The following CTTN variants were observed in gnomAD, a reference collection of about 807,000 sequenced individuals.
The protein encoded by CTTN is src substrate cortactin.
A neutral mutation model predicts 84.0 loss-of-function variants in CTTN; 28 were observed. That is an observed-to-expected ratio of 0.33 (90% CI 0.25 to 0.46). The LOEUF is 0.46. Among genes scored for constraint, CTTN ranks in the 20% least tolerant of loss-of-function variants. CTTN has a pLI of 1.00. For missense variants in CTTN, 641 were observed against 723.8 expected (o/e 0.89, Z 1.31); for synonymous variants, 301 against 288.8 (o/e 1.04, Z -0.43).
intron 4 of CTTN, among the ~76,000 whole-genome samples, chr11:70,408,543 G>A (rs187620145): frequency 1.4e-3 from 214 of 152,190 alleles, no homozygotes; most frequent in African/African-American, 5.0e-3. Flanking sequence ...AACCATGGGC[G>A]CACACCACAA....
chr11:70,420,326 T>C, intron 9 of CTTN, 74 bp from the exon 10 acceptor site: 1 of 963,576 alleles, frequency 1.0e-6, no homozygotes, highest in South Asian at 1.3e-5. Flanking sequence ...TTTAACTGTA[T>C]TGAAAACATA....
chr11:70,433,322 C>G (rs2058377176), intron 16 of CTTN, 44 bp downstream of exon 16: 1 of 1,540,438 alleles, frequency 6.5e-7, no homozygotes. Flanking sequence ...GGGCAGGGAG[C>G]TCCCGGGACA....
chr11:70,422,502 TAAA>T, intron 11 of CTTN: 1 of 1,289,992 alleles, frequency 7.8e-7, no homozygotes, highest in Middle Eastern at 2.1e-4. Flanking sequence ...TTTTTTCTCT[TAAA>T]AAGCAAGAGA....
At position 70,435,520 on chromosome 11, in the gene CTTN, C is replaced by T; in HGVS notation, c.*358C>T. The T allele has an allele frequency of 6.4e-7, 1 of 1,561,138 alleles. No homozygotes were observed. Among genetic ancestry groups the T allele is most frequent in the Non-Finnish European group, 8.6e-7 (1 of 1,160,780 alleles). On this transcript the variant is annotated 3_prime_UTR_variant, in exon 18 of 18. Coordinates refer to ENST00000301843, the MANE Select transcript of CTTN (RefSeq NM_005231.4). ...GTGTTGCCCTCGTGCCCATCAAGTG[C>T]AGTCGGGACCTCCCAGGACAAGCAC...
rs116749216 is a variant in CTTN, at chr11:70,433,832, T to C, written c.1516+114T>C. On this transcript the variant is annotated intron_variant, in intron 17 of 17. Transcript: ENST00000301843. ...TGTTAGTTTTAGAAGTAATTTATGT[T>C]GAGATAATTTCAGAGATATAGAAAA... is the stretch of plus-strand genomic sequence containing the variant. 2.9e-3 allele frequency: 2,197 copies of C among 765,620 alleles called. 40 individuals are homozygous for C. In the African/African-American group the frequency reaches 0.033, roughly 12 times the overall value. The allele number at this position is 765,620 out of a possible 1,614,324, so 47.4% of individuals were successfully genotyped here.
rs564937407 is a variant in CTTN at position 70,432,689 on chromosome 11, A to C, written c.1267-412A>C. 1.1e-4 allele frequency among the ~76,000 whole-genome samples: 16 copies of C among 152,370 alleles called. No individual in the cohort carries two copies. In the South Asian group the frequency reaches 3.3e-3, roughly 32 times the overall value. ...CTGTCAGGCAGGGCCAGGGTCGAGC[A>C]GCACAGGCAGGAGGGTGGCCGCTCG... On this transcript the variant is annotated intron_variant, in intron 15 of 17. Transcript: ENST00000301843.
In CTTN at chr11:70,436,272, C is replaced by T. The variant is rs578147334; in HGVS notation, c.*1110C>T. The T allele has an allele frequency of 6.3e-7, 1 of 1,597,528 alleles. No homozygotes were observed. Among genetic ancestry groups the T allele is most frequent in the Non-Finnish European group, 8.5e-7 (1 of 1,179,490 alleles). ...CGCTGTCCTGGCATTTGTGGCCACT[C>T]ACTTTGTAGGAAACTCATCTCCTTC... On this transcript the variant is annotated 3_prime_UTR_variant, in exon 18 of 18. Coordinates refer to ENST00000301843, the MANE Select transcript of CTTN (RefSeq NM_005231.4).
chr11:70,419,799 A>G lies in CTTN; in HGVS notation c.622A>G (p.Lys208Glu). Residue 208 changes from lysine to glutamate, a missense_variant, in exon 9 of 18, where the codon AAG becomes GAG. By Grantham distance (56) the Lys-to-Glu change is moderately conservative. Around this residue, in one of 3 missense-constraint regions of CTTN, gnomAD observed 284 missense variants for 348.4 expected, o/e 0.82. Transcript: ENST00000301843. The stretch of plus-strand genomic sequence containing the variant: ...CGGTATCGACAAGGACAAAGTGGAT[A>G]AGAGCGCCGTTGGCTTTGAGTATCA... ...KYGIDKDKVDKSAVGFEYQGK... is the reference protein window; with the variant it reads ...KYGIDKDKVDESAVGFEYQGK... 6.2e-7 allele frequency: 1 copy of G among 1,613,156 alleles called. No individual in the cohort carries two copies. Among genetic ancestry groups the G allele is most frequent in the East Asian group, 2.2e-5 (1 of 44,882 alleles).
At chr11:70,422,544 G>T in intron 11 of CTTN, 1 of 1,295,312 alleles carries the variant, frequency 7.7e-7, no homozygotes, top group Admixed American at 2.3e-5. Context: ...TCTTTTTAGC[G>T]CTCAGTAGAG....
intron 14 of CTTN, among the ~76,000 whole-genome samples, chr11:70,429,635 C>T (rs534180389): frequency 2.0e-5 from 3 of 152,160 alleles, no homozygotes; most frequent in East Asian, 1.9e-4. Context: ...AGCCTGCTCT[C>T]GGGGCCTGCT....
chr11:70,421,608 C>A, intron 11 of CTTN, 28 bp downstream of exon 11: 1 of 1,510,614 alleles, frequency 6.6e-7, no homozygotes, highest in Non-Finnish European at 9.2e-7. Flanking sequence ...CTCCTACCCT[C>A]CCCCCGACCC....
At chr11:70,425,899 G>C (rs961355127) in intron 13 of CTTN, among the ~76,000 whole-genome samples, 2 of 152,212 alleles carry the variant, frequency 1.3e-5, no homozygotes, top group Non-Finnish European at 2.9e-5. Flanking sequence ...TGTGGGCCCT[G>C]CCCCGGAGAG....
At chr11:70,415,024 C>T (rs1232524276) in intron 6 of CTTN, among the ~76,000 whole-genome samples, 1 of 152,180 alleles carries the variant, frequency 6.6e-6, no homozygotes, top group African/African-American at 2.4e-5. Context: ...GTGTCCAGGA[C>T]CCAGGCTTTG....
intron 13 of CTTN, among the ~76,000 whole-genome samples, chr11:70,428,271 T>G (rs2058320673): frequency 6.7e-6 from 1 of 150,002 alleles, no homozygotes; most frequent in Non-Finnish European, 1.5e-5. Flanking sequence ...GTTCAAGCGA[T>G]TCTCCTGCCT....
chr11:70,426,034 C>G (rs1230083912), intron 13 of CTTN, among the ~76,000 whole-genome samples: 2 of 152,222 alleles, frequency 1.3e-5, no homozygotes, highest in East Asian at 3.9e-4. Context: ...GATTGAGGGC[C>G]CAGGACGCTT....
At position 70,435,179 on chromosome 11, in the gene CTTN, C is replaced by A; in HGVS notation, c.*17C>A. On this transcript the variant is annotated 3_prime_UTR_variant, in exon 18 of 18. Transcript: ENST00000301843. Reference sequence around the variant, plus strand: ...CGGCAGTAGGGCCCCCAGCCCCCCCCCGGAGCTGCGCCCTGGATCCTCACA... The same window carrying A: ...CGGCAGTAGGGCCCCCAGCCCCCCCACGGAGCTGCGCCCTGGATCCTCACA... The A allele has an allele frequency of 6.3e-7, 1 of 1,598,636 alleles. No individual in the cohort carries two copies. The highest frequency in any genetic ancestry group is 8.5e-7 in the Non-Finnish European group (1 of 1,174,300).
rs568536178 is a variant in CTTN at position 70,404,784 on chromosome 11, C to T, written c.-97-481C>T. On this transcript the variant is annotated intron_variant, in intron 1 of 17. Transcript: ENST00000301843. ...TTGGGAGGCCAAGGCAGGCGGATCA[C>T]CTGAGGTCGGGAGTTTGAGACCAGC... 6.7e-4 allele frequency among the ~76,000 whole-genome samples: 102 copies of T among 152,326 alleles called. 1 individual carries two copies. In the South Asian group the frequency reaches 0.021, roughly 31 times the overall value.
chr11:70,431,395 C>T (rs2058352798), intron 15 of CTTN, 115 bp downstream of exon 15: 1 of 1,088,686 alleles, frequency 9.2e-7, no homozygotes, highest in Non-Finnish European at 1.4e-6. Context: ...GTGTAGAGGG[C>T]ATCGCTGCAT....
chr11:70,414,423 T>G, intron 5 of CTTN, 119 bp from the exon 6 acceptor site: 2 of 649,570 alleles, frequency 3.1e-6, no homozygotes, highest in Non-Finnish European at 2.6e-6. Context: ...GATGGGTGTG[T>G]TAATGTAAGG....
Sources: gnomAD v4.1 joint callset for allele counts (sites outside exome capture counted in the v4.1 genomes callset) on GRCh38, gnomAD v4.1.1 for gene constraint, gnomAD v4.1.1 regional missense constraint, MANE v1.5 for transcripts, NCBI Gene and HGNC (gene_info 2026-07-23, HGNC 2026-07-21) for gene names.